MST1R: variants seen among roughly 807,000 people sequenced by gnomAD.
MST1R encodes the protein macrophage-stimulating protein receptor.
In MST1R, 99 loss-of-function variants were observed where a neutral mutation model predicts 117.8. That is an observed-to-expected ratio of 0.84 (90% CI 0.71 to 0.99). MST1R has a LOEUF of 0.99. MST1R is among the 50% of genes least tolerant of loss of function. The probability of loss-of-function intolerance (pLI) is 0.00; values close to 1 mark genes in which losing one functional copy is unlikely to be tolerated. For synonymous variants in MST1R, 734 were observed against 765.3 expected (o/e 0.96, Z 0.68); for missense variants, 1,683 against 1,840.2 (o/e 0.91, Z 1.56).
At chr3:49,899,387 C>T in intron 1 of MST1R, 124 bp from the exon 2 acceptor site, 1 of 1,042,620 alleles carries the variant, frequency 9.6e-7, no homozygotes, top group Non-Finnish European at 1.4e-6. Context: ...CTGGAGAAGG[C>T]CCTGGGCCTG....
intron 1 of MST1R, among the ~76,000 whole-genome samples, chr3:49,901,382 C>T (rs2082671456): frequency 6.6e-6 from 1 of 152,170 alleles, no homozygotes; most frequent in African/African-American, 2.4e-5. Context: ...AATCTTACTG[C>T]TGTTGCCTAC....
chr3:49,903,553 G>T lies in MST1R; in HGVS notation c.57C>A (p.Ala19=). ...QSFLLLLLLP[A]KPAAGEDWQC... is the part of the protein sequence containing the mutation. ...GCCAGTCCTCGCCCGCCGCGGGCTTGGCAGGCAACAGCAGCAGCAACAGGA... is the reference window on the plus strand; with the variant it reads ...GCCAGTCCTCGCCCGCCGCGGGCTTTGCAGGCAACAGCAGCAGCAACAGGA... The change falls in exon 1 of 20, where the codon GCC becomes GCA. Residue 19 remains alanine, a synonymous_variant. Coordinates refer to ENST00000296474, the MANE Select transcript of MST1R (RefSeq NM_002447.4). The T allele has an allele frequency of 6.3e-7, 1 of 1,595,842 alleles. No homozygotes were observed. The highest frequency in any genetic ancestry group is 8.5e-7 in the Non-Finnish European group (1 of 1,175,782).
chr3:49,899,547 C>A, intron 1 of MST1R: 1 of 264,554 alleles, frequency 3.8e-6, no homozygotes, highest in South Asian at 5.4e-5. Flanking sequence ...ATCCTCACAA[C>A]CACCCCGTAC....
chr3:49,895,122 A>G (rs367861917), intron 14 of MST1R, 45 bp downstream of exon 14: 17 of 1,608,248 alleles, frequency 1.1e-5, no homozygotes, highest in Non-Finnish European at 1.4e-5. Flanking sequence ...AGCCTATGTC[A>G]TCTTGAGACT....
intron 19 of MST1R, 117 bp downstream of exon 19, chr3:49,889,807 G>T: frequency 7.9e-7 from 1 of 1,273,284 alleles, no homozygotes; most frequent in South Asian, 1.3e-5. Flanking sequence ...CCCAGCGAGA[G>T]TCCCTTTCCT....
chr3:49,896,844 C>A lies in MST1R; in HGVS notation c.2230G>T (p.Val744Leu). Residue 744 changes from valine to leucine, a missense_variant, in exon 8 of 20, where the codon GTG (valine) becomes TTG (leucine). By Grantham distance (32) the Val-to-Leu change is conservative. Transcript: ENST00000296474. The stretch of plus-strand genomic sequence containing the variant: ...TGCAGGCTAAGGGGGACACTGGCCA[C>A]CGTGGCCCCAGGGGGTGTGGCACAT... The part of the protein sequence containing the change: ...LLCATPPGAT[V>L]ASVPLSLQVG... 6.4e-7 allele frequency: 1 copy of A among 1,553,578 alleles called. No individual in the cohort carries two copies. Among genetic ancestry groups the A allele is most frequent in the Non-Finnish European group, 8.7e-7 (1 of 1,147,970 alleles).
rs1314902364 is a variant in MST1R, at chr3:49,895,348, A to C, written c.3090T>G (p.Asp1030Glu). 6.2e-7 allele frequency: 1 copy of C among 1,614,246 alleles called. No homozygotes were observed. Among genetic ancestry groups the C allele is most frequent in the Non-Finnish European group, 8.5e-7 (1 of 1,180,050 alleles). ...GLALPAIDGL[D>E]STTCVHGASF... ...ATGCTCCATGGACACAAGTGGTGGA[A>C]TCCAGACCATCAATGGCAGGGAGTG... The change falls in exon 14 of 20, where the codon GAT becomes GAG. Residue 1030 changes from aspartate (D) to glutamate (E), a missense_variant. Physicochemically the swap from Asp to Glu is conservative, Grantham distance 45. Transcript: ENST00000296474.
At chr3:49,897,950 C>T (rs1162682443) in intron 5 of MST1R, 101 bp downstream of exon 5, 4 of 1,537,244 alleles carry the variant, frequency 2.6e-6, no homozygotes, top group Admixed American at 1.7e-5. Flanking sequence ...CAGCTTCCCC[C>T]ATCCCCCCTT....
In MST1R at chr3:49,903,500, G is replaced by C. The variant is rs1391612870; in HGVS notation, c.110C>G (p.Ser37Cys). 9.3e-6 allele frequency: 15 copies of C among 1,610,868 alleles called. No individual in the cohort carries two copies. The highest frequency in any genetic ancestry group is 1.3e-5 in the Non-Finnish European group (15 of 1,179,974). The change falls in exon 1 of 20, where the codon TCT becomes TGT. Residue 37 changes from serine to cysteine, a missense_variant. By Grantham distance (112) the Ser-to-Cys change is moderately radical. Coordinates refer to ENST00000296474, the MANE Select transcript of MST1R (RefSeq NM_002447.4). ...WQCPRTPYAA[S>C]RDFDVKYVVP... ...CACGTACTTCACGTCAAAGTCGCGA[G>C]AGGCCGCGTAGGGGGTGCGCGGGCA...
At chr3:49,888,339 G>A (rs1302625204) in intron 19 of MST1R, among the ~76,000 whole-genome samples, 1 of 152,034 alleles carries the variant, frequency 6.6e-6, no homozygotes, top group Non-Finnish European at 1.5e-5. Context: ...GGGAGGCTGA[G>A]GCAGGAGAAT....
At position 49,898,204 on chromosome 3, in the gene MST1R, G is replaced by A. The variant is rs2082548194; in HGVS notation, c.1727C>T (p.Pro576Leu). The A allele has an allele frequency of 1.1e-5, 18 of 1,613,674 alleles. No individual in the cohort carries two copies. In the East Asian group the frequency reaches 3.8e-4, roughly 34 times the overall value. ...ACTGCCCCTTAGAGGTCCACTGTGG[G>A]GGTGGAACTGAAATGGGGGAAACAG... ...HCPPKLTEFHPHSGPLRGSTR... is the reference protein window; with the variant it reads ...HCPPKLTEFHLHSGPLRGSTR... The change falls in exon 5 of 20, where the codon CCC (proline) becomes CTC (leucine). Residue 576 changes from proline (P) to leucine (L), a missense_variant. Pro to Leu is a moderately conservative substitution (Grantham distance 98, BLOSUM62 -3). Coordinates refer to ENST00000296474, the MANE Select transcript of MST1R (RefSeq NM_002447.4).
rs559998428 is a variant in MST1R at position 49,897,544 on chromosome 3, G to A, written c.2022C>T (p.Ser674=). 3.0e-5 allele frequency: 48 copies of A among 1,613,984 alleles called. 1 individual carries two copies. In the Middle Eastern group the frequency reaches 6.6e-4, roughly 22 times the overall value. ...CCATGAAAGAGAAGCCTCTCAGCAC[G>A]GAGGTGCCGTCTACCCGGAAGTGCT... ...PGKHFRVDGT[S]VLRGFSFMEP... is the part of the protein sequence containing the mutation. The change falls in exon 6 of 20, where the codon TCC becomes TCT. Residue 674 remains serine, a synonymous_variant. Coordinates refer to ENST00000296474, the MANE Select transcript of MST1R (RefSeq NM_002447.4).
rs780915614 is a variant in MST1R at position 49,902,729 on chromosome 3, C to T, written c.881G>A (p.Arg294Gln). 6.2e-6 allele frequency: 10 copies of T among 1,613,646 alleles called. No individual in the cohort carries two copies. Among genetic ancestry groups the T allele is most frequent in the Non-Finnish European group, 5.1e-6 (6 of 1,180,048 alleles). ...SATEPELGDY[R>Q]ELVLDCRFAP... ...AAATCTGCAGTCGAGGACCAGCTCC[C>T]GATAGTCACCCAACTCTGGCTCAGT... is the stretch of plus-strand genomic sequence containing the variant. Residue 294 changes from arginine to glutamine, a missense_variant, in exon 1 of 20, where the codon CGG (arginine) becomes CAG (glutamine). Physicochemically the swap from Arg to Gln is conservative, Grantham distance 43 (BLOSUM62 1). Coordinates refer to ENST00000296474, the MANE Select transcript of MST1R (RefSeq NM_002447.4).
At chr3:49,891,871 G>A in intron 14 of MST1R, 33 bp from the exon 15 acceptor site, 5 of 1,597,638 alleles carry the variant, frequency 3.1e-6, no homozygotes, top group Non-Finnish European at 4.3e-6. Flanking sequence ...TCGATGAGAG[G>A]GGATCCAGGG....
intron 12 of MST1R, 30 bp downstream of exon 12, chr3:49,895,685 G>C (rs2082442603): frequency 6.2e-7 from 1 of 1,612,174 alleles, no homozygotes; most frequent in Non-Finnish European, 8.5e-7. Flanking sequence ...GGGGGTAGGG[G>C]CTGATTAAAG....
At position 49,897,987 on chromosome 3, in the gene MST1R, T is replaced by C. The variant is rs777773511; in HGVS notation, c.1880+64A>G. On this transcript the variant is annotated intron_variant, in intron 5 of 19. Transcript: ENST00000296474. ...CCTCTGATAAGCAGAGAACAGGGTC[T>C]CATGGGGAAGGGGCTGCTTGGTTTC... 6.2e-6 allele frequency: 10 copies of C among 1,608,160 alleles called. No homozygotes were observed. In the African/African-American group the frequency reaches 6.7e-5, roughly 11 times the overall value.
intron 1 of MST1R, among the ~76,000 whole-genome samples, chr3:49,900,959 C>G (rs7648632): frequency 0.029 from 4,387 of 152,308 alleles, 205 homozygotes; most frequent in African/African-American, 0.098. Flanking sequence ...GCAAACACTG[C>G]ACGGGGTGAT....
Position 49,891,589 on chromosome 3 carries a change from C to T in MST1R, c.3353-9G>A, listed in dbSNP as rs780614223. The T allele has an allele frequency of 3.7e-6, 6 of 1,613,260 alleles. No individual in the cohort carries two copies. In the African/African-American group the frequency reaches 8.0e-5, roughly 22 times the overall value. ...CTGCATCTCTGTGATGCCTGCAGAG[C>T]AGCGCAAGTCAGGCACAGGGCAGGG... On this transcript the variant is annotated splice_polypyrimidine_tract_variant and intron_variant, in intron 15 of 19. Coordinates refer to ENST00000296474, the MANE Select transcript of MST1R (RefSeq NM_002447.4).
At chr3:49,890,353 GTGA>G in intron 18 of MST1R, 129 bp downstream of exon 18, 1 of 1,001,078 alleles carries the variant, frequency 1.0e-6, no homozygotes, top group Non-Finnish European at 1.4e-6. Flanking sequence ...TGCCCAAGAG[GTGA>G]GCAGATGGGC....
Sources: gnomAD v4.1 joint callset for allele counts (sites outside exome capture counted in the v4.1 genomes callset) on GRCh38, gnomAD v4.1.1 for gene constraint, MANE v1.5 for transcripts, NCBI Gene and HGNC (gene_info 2026-07-23, HGNC 2026-07-21) for gene names.